The following FSIP1 variants were observed in gnomAD, a reference collection of about 807,000 sequenced individuals.
FSIP1 encodes the protein fibrous sheath interacting protein 1.
In FSIP1, 65 loss-of-function variants were observed where a neutral mutation model predicts 60.9. That is an observed-to-expected ratio of 1.07 (90% confidence interval 0.87 to 1.31). The LOEUF (loss-of-function observed/expected upper bound fraction) is 1.31. Among genes scored for constraint, FSIP1 ranks in the 40% most tolerant of loss-of-function variants. FSIP1 has a pLI of 0.00. For synonymous variants in FSIP1, 209 were observed against 221.2 expected, an observed-to-expected ratio of 0.94 and a Z score of 0.49; for missense variants, 675 against 665.5, an observed-to-expected ratio of 1.01 and a Z score of -0.16.
Position 39,767,310 on chromosome 15 carries a change from G to A in FSIP1, c.311-1564C>T, listed in dbSNP as rs8032027. The stretch of plus-strand genomic sequence containing the variant: ...GCCAATCCTAGCATTCTCAGGCTCC[G>A]TGAACATAGGTAGTCTATATAGCGG... On this transcript the variant is annotated intron_variant, in intron 3 of 11. Coordinates refer to ENST00000350221, the MANE Select transcript of FSIP1 (RefSeq NM_152597.5). Among the ~76,000 whole-genome samples the A allele has an allele frequency of 5.6e-3, 852 of 152,288 alleles. 7 individuals are homozygous for A. The highest frequency in any genetic ancestry group is 0.018 in the African/African-American group (752 of 41,562).
intron 1 of FSIP1, among the ~76,000 whole-genome samples, chr15:39,781,439 T>C (rs1367014676): frequency 6.6e-6 from 1 of 152,114 alleles, no homozygotes; most frequent in African/African-American, 2.4e-5. Flanking sequence ...ATATTTACCA[T>C]ATGACTCCAC....
chr15:39,719,323 C>T (rs564338467), intron 9 of FSIP1, among the ~76,000 whole-genome samples: 2 of 152,262 alleles, frequency 1.3e-5, no homozygotes, highest in South Asian at 4.2e-4. Context: ...GTTTCTGGGT[C>T]ATACAGGAAT....
At chr15:39,643,798 T>G (rs1490948707) in intron 10 of FSIP1, among the ~76,000 whole-genome samples, 2 of 152,238 alleles carry the variant, frequency 1.3e-5, no homozygotes, top group African/African-American at 2.4e-5. Flanking sequence ...CCTTTGCAGT[T>G]TACTCTTCAG....
At chr15:39,621,885 C>T (rs1891454159) in intron 10 of FSIP1, among the ~76,000 whole-genome samples, 1 of 152,160 alleles carries the variant, frequency 6.6e-6, no homozygotes, top group Non-Finnish European at 1.5e-5. Context: ...TCTTTTGATT[C>T]CCAGCAGAGT....
intron 5 of FSIP1, among the ~76,000 whole-genome samples, chr15:39,754,573 G>A (rs1490214084): frequency 1.3e-5 from 2 of 151,972 alleles, no homozygotes; most frequent in Non-Finnish European, 2.9e-5. Flanking sequence ...TACAGATAGG[G>A]CAGAACAAAT....
intron 11 of FSIP1, among the ~76,000 whole-genome samples, chr15:39,616,114 G>A (rs1007015505): frequency 2.0e-5 from 3 of 152,044 alleles, no homozygotes; most frequent in African/African-American, 2.4e-5. Context: ...TACAGCTTGC[G>A]AAATTTCATG....
chr15:39,654,208 A>G (rs1892983773), intron 10 of FSIP1, among the ~76,000 whole-genome samples: 1 of 152,242 alleles, frequency 6.6e-6, no homozygotes, highest in African/African-American at 2.4e-5. Context: ...AGTATAGTAT[A>G]GGAAATCCAT....
chr15:39,707,283 C>A (rs1242258069), intron 10 of FSIP1, among the ~76,000 whole-genome samples: 1 of 152,140 alleles, frequency 6.6e-6, no homozygotes, highest in African/African-American at 2.4e-5. Context: ...TGATTGTTTA[C>A]CATTGCTTTT....
intron 10 of FSIP1, among the ~76,000 whole-genome samples, chr15:39,710,099 T>G (rs145188889): frequency 2.6e-5 from 4 of 152,334 alleles, no homozygotes; most frequent in African/African-American, 7.2e-5. Flanking sequence ...ACACAGTATC[T>G]TCCCCTCAAC....
intron 10 of FSIP1, among the ~76,000 whole-genome samples, chr15:39,650,491 T>C (rs2140435052): frequency 6.6e-6 from 1 of 152,300 alleles, no homozygotes; most frequent in East Asian, 1.9e-4. Flanking sequence ...AACCAAAAAA[T>C]ACTGTCTCAA....
intron 10 of FSIP1, among the ~76,000 whole-genome samples, chr15:39,658,441 G>A (rs951474152): frequency 6.6e-5 from 10 of 151,822 alleles, no homozygotes; most frequent in Non-Finnish European, 1.3e-4. Context: ...GCAGAGACGG[G>A]TTTTCACCAC....
At chr15:39,735,859 G>A (rs1896587625) in intron 8 of FSIP1, among the ~76,000 whole-genome samples, 2 of 151,694 alleles carry the variant, frequency 1.3e-5, no homozygotes, top group African/African-American at 2.4e-5. Flanking sequence ...AGACACAAAT[G>A]CACCTATTAG....
At chr15:39,642,266 C>T (rs1276268617) in intron 10 of FSIP1, among the ~76,000 whole-genome samples, 6 of 152,134 alleles carry the variant, frequency 3.9e-5, no homozygotes, top group Admixed American at 1.3e-4. Flanking sequence ...TTAATGGGAC[C>T]GAAGAGTCTT....
At chr15:39,682,297 CTG>C (rs1894197533) in intron 10 of FSIP1, among the ~76,000 whole-genome samples, 2 of 152,198 alleles carry the variant, frequency 1.3e-5, no homozygotes, top group South Asian at 2.1e-4. Flanking sequence ...TTTGTTCTAA[CTG>C]TTTTTATTAG....
chr15:39,764,661 T>C (rs903847547), intron 4 of FSIP1, among the ~76,000 whole-genome samples: 2 of 152,168 alleles, frequency 1.3e-5, no homozygotes, highest in Non-Finnish European at 2.9e-5. Context: ...CCCTCAATAT[T>C]ATAGAGAATA....
At chr15:39,674,180 A>G (rs534046244) in intron 10 of FSIP1, among the ~76,000 whole-genome samples, 35 of 151,718 alleles carry the variant, frequency 2.3e-4, no homozygotes, top group South Asian at 6.2e-4. Context: ...TCAGCCTACC[A>G]AGTAGCTGGG....
chr15:39,653,529 A>G (rs1892957618), intron 10 of FSIP1, among the ~76,000 whole-genome samples: 1 of 152,202 alleles, frequency 6.6e-6, no homozygotes, highest in South Asian at 2.1e-4. Context: ...CTAATTCAAT[A>G]AACTTTTTTC....
intron 10 of FSIP1, among the ~76,000 whole-genome samples, chr15:39,630,254 G>C (rs920959397): frequency 6.6e-6 from 1 of 152,190 alleles, no homozygotes; most frequent in Non-Finnish European, 1.5e-5. Flanking sequence ...TGAATAAGAA[G>C]TTCCAAGTTG....
chr15:39,744,371 G>T (rs1896913748), intron 5 of FSIP1, among the ~76,000 whole-genome samples: 1 of 152,214 alleles, frequency 6.6e-6, no homozygotes, highest in African/African-American at 2.4e-5. Context: ...GAAAGAGGAA[G>T]ATTGCAGGAT....
Sources: gnomAD v4.1 joint callset for allele counts (sites outside exome capture counted in the v4.1 genomes callset) on GRCh38, gnomAD v4.1.1 for gene constraint, MANE v1.5 for transcripts, NCBI Gene and HGNC (gene_info 2026-07-23, HGNC 2026-07-21) for gene names.